The following LEPR variants were observed in gnomAD, a reference collection of about 807,000 sequenced individuals.
LEPR encodes OB receptor.
LEPR carries 56 observed loss-of-function variants against 114.7 expected under a neutral mutation model. The ratio of observed to expected loss-of-function variants is 0.49; its 90% CI spans 0.39 to 0.61. LEPR has a LOEUF of 0.61. Among genes scored for constraint, LEPR ranks in the 20% least tolerant of loss-of-function variants. LEPR has a pLI of 0.00. For synonymous variants in LEPR, 443 were observed against 461.4 expected, an observed-to-expected ratio of 0.96 and a Z score of 0.51; for missense variants, 1,202 against 1,352.9, an observed-to-expected ratio of 0.89 and a Z score of 1.75.
intron 10 of LEPR, among the ~76,000 whole-genome samples, chr1:65,603,370 C>CAT (rs1397946686): frequency 2.0e-5 from 3 of 151,790 alleles, no homozygotes; most frequent in Non-Finnish European, 1.5e-5. Context: ...CACACACACA[C>CAT]ACATTCATGA....
chr1:65,635,821 A>G (rs983205245), intron 19 of LEPR, among the ~76,000 whole-genome samples: 18 of 152,180 alleles, frequency 1.2e-4, no homozygotes, highest in Non-Finnish European at 1.8e-4. Flanking sequence ...GCATTTTCCA[A>G]TGACAGTAAC....
At chr1:65,422,725 C>T (rs918390829) in intron 1 of LEPR, among the ~76,000 whole-genome samples, 1 of 152,214 alleles carries the variant, frequency 6.6e-6, no homozygotes, top group Non-Finnish European at 1.5e-5. Flanking sequence ...GCCTTCTTCT[C>T]TTCAGGTACT....
chr1:65,452,215 C>T (rs1307393188), intron 2 of LEPR, among the ~76,000 whole-genome samples: 1 of 152,186 alleles, frequency 6.6e-6, no homozygotes. Flanking sequence ...ACAATCCTGT[C>T]GTCTGCAAAC....
chr1:65,585,439 G>A (rs1209020508), intron 5 of LEPR, among the ~76,000 whole-genome samples: 1 of 151,950 alleles, frequency 6.6e-6, no homozygotes, highest in Non-Finnish European at 1.5e-5. Flanking sequence ...AGGACAGAAT[G>A]TGCTTTCTTT....
chr1:65,548,191 G>A (rs1651937744), intron 2 of LEPR, among the ~76,000 whole-genome samples: 1 of 152,104 alleles, frequency 6.6e-6, no homozygotes. Flanking sequence ...TATAATTTCT[G>A]TTCTTTTACA....
At chr1:65,508,971 C>T (rs1648894654) in intron 2 of LEPR, among the ~76,000 whole-genome samples, 3 of 151,650 alleles carry the variant, frequency 2.0e-5, no homozygotes, top group South Asian at 2.1e-4. Flanking sequence ...TTGTTTTCCT[C>T]GTTTCTTTTT....
At chr1:65,586,600 A>T (rs1196696291) in intron 5 of LEPR, among the ~76,000 whole-genome samples, 1 of 151,974 alleles carries the variant, frequency 6.6e-6, no homozygotes, top group Non-Finnish European at 1.5e-5. Context: ...TTTGAATTTC[A>T]TGTATCATGA....
intron 2 of LEPR, among the ~76,000 whole-genome samples, chr1:65,490,518 T>A (rs1647808254): frequency 6.6e-6 from 1 of 152,086 alleles, no homozygotes; most frequent in Non-Finnish European, 1.5e-5. Flanking sequence ...GTAGAGACTG[T>A]TTTCTCTAAT....
rs550498261 is a variant in LEPR, at chr1:65,518,375, AG to A, written c.-20-47166del. Reference sequence around the variant, plus strand: ...TTTTGGGGGTCTGCTGAGAAGGCCGAGGGGGTCCATGAGTCACCTGTTTAAT... The same window carrying A: ...TTTTGGGGGTCTGCTGAGAAGGCCGAGGGGTCCATGAGTCACCTGTTTAAT... On this transcript the variant is annotated intron_variant, in intron 2 of 19. Coordinates refer to ENST00000349533, the MANE Select transcript of LEPR (RefSeq NM_002303.6). Among the ~76,000 whole-genome samples the A allele has an allele frequency of 2.4e-4, 36 of 152,204 alleles. No individual in the cohort carries two copies. In the East Asian group the frequency reaches 5.0e-3, roughly 21 times the overall value.
At chr1:65,550,017 G>T (rs575550428) in intron 2 of LEPR, among the ~76,000 whole-genome samples, 1 of 152,310 alleles carries the variant, frequency 6.6e-6, no homozygotes, top group South Asian at 2.1e-4. Flanking sequence ...CTGTTTGTTA[G>T]TTTTCCTTTT....
chr1:65,436,657 G>T (rs1570445762), intron 2 of LEPR, among the ~76,000 whole-genome samples: 1 of 152,212 alleles, frequency 6.6e-6, no homozygotes, highest in African/African-American at 2.4e-5. Flanking sequence ...AGGCAAAGTG[G>T]TCTTAATCCT....
chr1:65,572,501 G>A, intron 5 of LEPR, 52 bp downstream of exon 5: 2 of 1,509,732 alleles, frequency 1.3e-6, no homozygotes, highest in South Asian at 1.2e-5. Flanking sequence ...TTTTTTAAAA[G>A]AGCTTTCATA....
At chr1:65,617,224 A>G (rs1221993991) in intron 15 of LEPR, among the ~76,000 whole-genome samples, 1 of 152,186 alleles carries the variant, frequency 6.6e-6, no homozygotes, top group Non-Finnish European at 1.5e-5. Context: ...GTCTATTTGC[A>G]AACTGAGAGA....
At chr1:65,527,111 C>T (rs924216449) in intron 2 of LEPR, among the ~76,000 whole-genome samples, 1 of 152,178 alleles carries the variant, frequency 6.6e-6, no homozygotes, top group Non-Finnish European at 1.5e-5. Flanking sequence ...AAGTATTGTA[C>T]ATCTGGAGGA....
rs1241672391 is a variant in LEPR, at chr1:65,570,560, C to T, written c.128C>T (p.Thr43Ile). ...FKLSCMPPNSTYDYFLLPAGL... is the reference protein window; with the variant it reads ...FKLSCMPPNSIYDYFLLPAGL... ...TTGTCTTGCATGCCACCAAATTCAA[C>T]CTATGACTACTTCCTTTTGCCTGCT... is the stretch of plus-strand genomic sequence containing the variant. Residue 43 changes from threonine (T) to isoleucine (I), a missense_variant, in exon 4 of 20, where the codon ACC becomes ATC. By Grantham distance (89) the Thr-to-Ile change is moderately conservative. Coordinates refer to ENST00000349533, the MANE Select transcript of LEPR (RefSeq NM_002303.6). 3 of 1,613,992 alleles carry T rather than the reference C, an allele frequency of 1.9e-6. No homozygotes were observed. The highest frequency in any genetic ancestry group is 1.3e-5 in the African/African-American group (1 of 75,036).
At chr1:65,440,000 C>CAAAAAAAAAAAAAAAAA (rs550347312) in intron 2 of LEPR, among the ~76,000 whole-genome samples, 3 of 58,144 alleles carry the variant, frequency 5.2e-5, no homozygotes, top group African/African-American at 1.5e-4. Flanking sequence ...GATTCTGTCT[C>CAAAAAAAAAAAAAAAAA]AAAAAAAAAA....
At chr1:65,521,871 G>A (rs1027762449) in intron 2 of LEPR, among the ~76,000 whole-genome samples, 7 of 152,006 alleles carry the variant, frequency 4.6e-5, no homozygotes, top group African/African-American at 1.2e-4. Context: ...AGGTTGAGGC[G>A]GGCGGATCAA....
chr1:65,622,826 A>G, intron 18 of LEPR, 80 bp from the exon 19 acceptor site: 1 of 1,466,284 alleles, frequency 6.8e-7, no homozygotes, highest in Non-Finnish European at 9.5e-7. Flanking sequence ...ACTAATTTCT[A>G]GCTTGTCTGT....
intron 2 of LEPR, among the ~76,000 whole-genome samples, chr1:65,557,501 C>A (rs1039706589): frequency 1.3e-5 from 2 of 152,106 alleles, no homozygotes; most frequent in African/African-American, 4.8e-5. Context: ...CTCACTGCAA[C>A]CTTCACCTCC....
Sources: gnomAD v4.1 joint callset for allele counts (sites outside exome capture counted in the v4.1 genomes callset) on GRCh38, gnomAD v4.1.1 for gene constraint, MANE v1.5 for transcripts, NCBI Gene and HGNC (gene_info 2026-07-23, HGNC 2026-07-21) for gene names.